The following GLRA3 variants were observed in gnomAD, a reference collection of about 807,000 sequenced individuals.
GLRA3 encodes the protein glycine receptor subunit alpha-3.
A neutral mutation model predicts 60.4 loss-of-function variants in GLRA3; 44 were observed. The ratio of observed to expected loss-of-function variants is 0.73; its 90% CI spans 0.57 to 0.94. The LOEUF (loss-of-function observed/expected upper bound fraction) is 0.94, where lower values mean the gene tolerates loss of function less well. Ranked by LOEUF, GLRA3 falls within the 40% of genes least tolerant of loss-of-function variation. GLRA3 has a pLI of 0.00. For missense variants in GLRA3, 508 were observed against 564.6 expected, an observed-to-expected ratio of 0.90 and a Z score of 1.02; for synonymous variants, 223 against 192.9, an observed-to-expected ratio of 1.16 and a Z score of -1.29.
intron 3 of GLRA3, among the ~76,000 whole-genome samples, chr4:174,750,493 C>G (rs1737427693): frequency 6.6e-6 from 1 of 151,916 alleles, no homozygotes; most frequent in East Asian, 1.9e-4. Context: ...GCTATGTACC[C>G]TAAGAGGGCC....
chr4:174,709,916 A>G (rs1458493821), intron 5 of GLRA3, among the ~76,000 whole-genome samples: 1 of 151,788 alleles, frequency 6.6e-6, no homozygotes, highest in Non-Finnish European at 1.5e-5. Context: ...CTTGTGTTGC[A>G]GCTAATACAT....
At chr4:174,716,098 T>C (rs939767511) in intron 4 of GLRA3, among the ~76,000 whole-genome samples, 6 of 152,158 alleles carry the variant, frequency 3.9e-5, no homozygotes, top group Non-Finnish European at 7.3e-5. Context: ...AGCAATCATA[T>C]GTAACGTTCA....
chr4:174,709,053 C>T (rs1375093818), intron 5 of GLRA3, among the ~76,000 whole-genome samples: 1 of 151,828 alleles, frequency 6.6e-6, no homozygotes, highest in Non-Finnish European at 1.5e-5. Context: ...ATTATAATTG[C>T]ATTTATGTAA....
At chr4:174,823,301 G>A (rs1196687963) in intron 1 of GLRA3, among the ~76,000 whole-genome samples, 2 of 152,160 alleles carry the variant, frequency 1.3e-5, no homozygotes, top group African/African-American at 4.8e-5. Context: ...GAGGCGGGTG[G>A]ACCGCGAGGT....
At chr4:174,708,608 T>A (rs1238518495) in intron 5 of GLRA3, among the ~76,000 whole-genome samples, 4 of 151,112 alleles carry the variant, frequency 2.6e-5, no homozygotes, top group African/African-American at 9.7e-5. Flanking sequence ...ACTCTTTTTT[T>A]TTTTTTTTGA....
At chr4:174,692,951 A>AT (rs1248321270) in intron 5 of GLRA3, among the ~76,000 whole-genome samples, 4 of 152,082 alleles carry the variant, frequency 2.6e-5, no homozygotes, top group South Asian at 4.2e-4. Flanking sequence ...AAAAAATAAA[A>AT]AAAAAAAAAG....
chr4:174,820,154 T>C (rs35182296), intron 1 of GLRA3, among the ~76,000 whole-genome samples: 4,134 of 152,282 alleles, frequency 0.027, 93 homozygotes, highest in Non-Finnish European at 0.039. Flanking sequence ...TGAACATTTT[T>C]AGATATTTTT....
intron 1 of GLRA3, among the ~76,000 whole-genome samples, chr4:174,795,805 T>G (rs1350809589): frequency 6.6e-6 from 1 of 152,214 alleles, no homozygotes; most frequent in East Asian, 1.9e-4. Flanking sequence ...TTACTCTGTG[T>G]GGTCTCCTTA....
At chr4:174,718,263 A>G (rs1405909581) in intron 4 of GLRA3, among the ~76,000 whole-genome samples, 1 of 152,200 alleles carries the variant, frequency 6.6e-6, no homozygotes, top group African/African-American at 2.4e-5. Flanking sequence ...AATTAAAGAC[A>G]TGTCTTGACC....
At chr4:174,649,937 A>G (rs545979069) in intron 9 of GLRA3, among the ~76,000 whole-genome samples, 1 of 152,244 alleles carries the variant, frequency 6.6e-6, no homozygotes, top group South Asian at 2.1e-4. Flanking sequence ...GTATGTTGTC[A>G]CAACCGGATA....
chr4:174,759,635 T>G (rs1306698699), intron 3 of GLRA3, among the ~76,000 whole-genome samples: 1 of 152,158 alleles, frequency 6.6e-6, no homozygotes, highest in Non-Finnish European at 1.5e-5. Context: ...ATTTTTAAAC[T>G]GTGTGTTTGG....
intron 3 of GLRA3, among the ~76,000 whole-genome samples, chr4:174,739,026 C>A (rs1736905394): frequency 6.6e-6 from 1 of 152,216 alleles, no homozygotes; most frequent in Admixed American, 6.5e-5. Flanking sequence ...TAAAGCCCTG[C>A]TCAGATCTCT....
At chr4:174,768,990 T>A (rs1208511413) in intron 2 of GLRA3, among the ~76,000 whole-genome samples, 1 of 152,096 alleles carries the variant, frequency 6.6e-6, no homozygotes, top group Non-Finnish European at 1.5e-5. Flanking sequence ...CTAATTTCTT[T>A]GTTTTTTTTT....
At chr4:174,726,414 G>T (rs1586338) in intron 4 of GLRA3, among the ~76,000 whole-genome samples, 87,088 of 151,984 alleles carry the variant, frequency 0.57, 25,923 homozygotes, top group South Asian at 0.7. Flanking sequence ...CTGTCTTAAG[G>T]GGGATTGCAT....
At chr4:174,692,573 CCT>C (rs1161279903) in intron 5 of GLRA3, among the ~76,000 whole-genome samples, 1 of 148,698 alleles carries the variant, frequency 6.7e-6, no homozygotes, top group Non-Finnish European at 1.5e-5. Context: ...ACATGGGAGA[CCT>C]TTCATTTTGT....
intron 3 of GLRA3, among the ~76,000 whole-genome samples, chr4:174,757,272 TAC>T (rs10555003): frequency 0.07 from 10,499 of 150,972 alleles, 463 homozygotes; most frequent in African/African-American, 0.11. Flanking sequence ...ATACAACATT[TAC>T]ACACACACAC....
intron 3 of GLRA3, among the ~76,000 whole-genome samples, chr4:174,740,022 G>A (rs950097038): frequency 6.6e-6 from 1 of 152,064 alleles, no homozygotes; most frequent in African/African-American, 2.4e-5. Flanking sequence ...ACTTTGTGTG[G>A]GATAGAAAAC....
chr4:174,805,243 A>C (rs1300501912), intron 1 of GLRA3, among the ~76,000 whole-genome samples: 1 of 151,910 alleles, frequency 6.6e-6, no homozygotes, highest in East Asian at 1.9e-4. Flanking sequence ...GTGGCTTTAA[A>C]ATTTTTTCTC....
intron 5 of GLRA3, among the ~76,000 whole-genome samples, chr4:174,697,979 T>C (rs1735129020): frequency 6.6e-6 from 1 of 152,104 alleles, no homozygotes; most frequent in East Asian, 1.9e-4. Context: ...AACTTCAGGT[T>C]GTGAGAAAAC....
Sources: allele counts gnomAD v4.1 joint callset (sites outside exome capture counted in the v4.1 genomes callset), GRCh38; gene constraint gnomAD v4.1.1; transcripts MANE v1.5; gene names NCBI Gene and HGNC (gene_info 2026-07-23, HGNC 2026-07-21).